Variants in CFAP47 observed in about 807,000 individuals in gnomAD.
CFAP47 encodes the protein cilia and flagella associated protein 47.
A neutral mutation model predicts 148.1 loss-of-function variants in CFAP47; 29 were observed. The observed-to-expected ratio is 0.20, with a 90% confidence interval of 0.15 to 0.27. The LOEUF (loss-of-function observed/expected upper bound fraction) is 0.27. Among genes scored for constraint, CFAP47 ranks in the 10% least tolerant of loss-of-function variants. The probability of loss-of-function intolerance (pLI) is 1.00; values close to 1 mark genes in which losing one functional copy is unlikely to be tolerated. For missense variants in CFAP47, 1,872 were observed against 1,697.5 expected (o/e 1.10, Z -1.81); for synonymous variants, 664 against 577.3 (o/e 1.15, Z -2.15).
At chrX:36,094,261 T>C (rs1938236645) in intron 30 of CFAP47, among the ~76,000 whole-genome samples, 1 of 111,032 alleles carries the variant, frequency 9.0e-6, no homozygotes, top group African/African-American at 3.3e-5. Context: ...AACACACTGT[T>C]TTGGTTACTA....
chrX:35,969,745 C>T (rs188858051), intron 10 of CFAP47, among the ~76,000 whole-genome samples: 316 of 111,507 alleles, frequency 2.8e-3, no homozygotes, highest in African/African-American at 9.9e-3. Flanking sequence ...TATCAAAAAT[C>T]GTCTTTGAGC....
chrX:36,042,830 T>G (rs1432071234), intron 25 of CFAP47, among the ~76,000 whole-genome samples: 1 of 111,595 alleles, frequency 9.0e-6, no homozygotes, highest in Non-Finnish European at 1.9e-5. Context: ...TAATTTTATA[T>G]GGAAGGGTCA....
intron 61 of CFAP47, among the ~76,000 whole-genome samples, chrX:36,366,540 C>G (rs1466104149): frequency 9.0e-6 from 1 of 111,542 alleles, no homozygotes; most frequent in Non-Finnish European, 1.9e-5. Context: ...GTTGAAAATA[C>G]TTTCGCATAA....
chrX:36,050,223 C>T (rs765967063), intron 26 of CFAP47, among the ~76,000 whole-genome samples: 5 of 111,260 alleles, frequency 4.5e-5, no homozygotes, highest in Non-Finnish European at 9.4e-5. Flanking sequence ...GACTTTGGAA[C>T]TGGGTAACAG....
Position 36,280,860 on chromosome X carries a change from C to T in CFAP47, c.7588+230C>T, listed in dbSNP as rs59771451. ...TACTTCAGCTAGAAGGGTGCCCACT[C>T]TTTCATAATTGAAAAGCTTTACATA... On this transcript the variant is annotated intron_variant, in intron 50 of 63. Transcript: ENST00000378653. Among the ~76,000 whole-genome samples, 151 of 111,967 alleles carry T rather than the reference C, an allele frequency of 1.3e-3. 2 individuals are homozygous for T. The East Asian group carries it at 0.039, about 29-fold the overall frequency.
At chrX:36,099,682 A>G (rs1417606721) in intron 31 of CFAP47, 69 bp from the exon 32 acceptor site, 2 of 452,622 alleles carry the variant, frequency 4.4e-6, no homozygotes, top group East Asian at 8.1e-5. Context: ...ACATGTTTTG[A>G]AAAAAAAAAC....
In CFAP47 at chrX:36,037,679, T is replaced by A. The variant is rs1937354940; in HGVS notation, c.3812-1305T>A. Among the ~76,000 whole-genome samples, 5 of 111,142 alleles carry A rather than the reference T, an allele frequency of 4.5e-5. No individual in the cohort carries two copies. In the South Asian group the frequency reaches 1.9e-3, roughly 43 times the overall value. On this transcript the variant is annotated intron_variant, in intron 24 of 63. Transcript: ENST00000378653. ...CAAAGAATCCCCTTCTCTATCACCC[T>A]AGAACCCTTTAAGAGGTCTGAAATT...
intron 57 of CFAP47, among the ~76,000 whole-genome samples, chrX:36,341,335 G>A (rs972298832): frequency 1.4e-4 from 16 of 111,021 alleles, no homozygotes; most frequent in Admixed American, 1.9e-4. Flanking sequence ...GCGCCTGGCC[G>A]GTGCTAGAAT....
chrX:36,336,592 TA>T (rs1444864992), intron 57 of CFAP47, among the ~76,000 whole-genome samples: 2 of 111,393 alleles, frequency 1.8e-5, no homozygotes, highest in Non-Finnish European at 3.8e-5. Flanking sequence ...TTTTAAAAGA[TA>T]AAATATTCAT....
At chrX:36,316,767 T>C (rs1009941985) in intron 56 of CFAP47, among the ~76,000 whole-genome samples, 1 of 111,903 alleles carries the variant, frequency 8.9e-6, no homozygotes, top group Admixed American at 9.5e-5. Context: ...CAAGGAGACA[T>C]TCAACCTGTA....
intron 45 of CFAP47, among the ~76,000 whole-genome samples, chrX:36,218,145 A>G (rs1324412254): frequency 8.9e-6 from 1 of 112,426 alleles, no homozygotes; most frequent in Non-Finnish European, 1.9e-5. Context: ...CAGAATTTAT[A>G]TTTAATACAG....
intron 37 of CFAP47, among the ~76,000 whole-genome samples, chrX:36,149,584 T>TTTTA (rs914889057): frequency 5.5e-4 from 55 of 99,851 alleles, no homozygotes; most frequent in Middle Eastern, 5.0e-3. Context: ...GATATATATA[T>TTTTA]TTTATTTATT....
chrX:36,307,767 A>C (rs1941362447), intron 55 of CFAP47, among the ~76,000 whole-genome samples: 1 of 110,592 alleles, frequency 9.0e-6, no homozygotes, highest in African/African-American at 3.3e-5. Flanking sequence ...TGGGTAGCTG[A>C]AGTATCTTCA....
chrX:35,953,292 A>C (rs757480778), intron 6 of CFAP47, among the ~76,000 whole-genome samples: 1 of 112,158 alleles, frequency 8.9e-6, no homozygotes, highest in East Asian at 2.8e-4. Flanking sequence ...GTCTGGAAGA[A>C]AATTCTTTGC....
intron 16 of CFAP47, among the ~76,000 whole-genome samples, chrX:35,990,745 T>G (rs1171179145): frequency 9.0e-6 from 1 of 111,392 alleles, no homozygotes; most frequent in African/African-American, 3.3e-5. Context: ...GTCTACTTTC[T>G]TAATAGAATT....
chrX:36,150,098 A>C (rs747836660), intron 37 of CFAP47, among the ~76,000 whole-genome samples: 1 of 111,090 alleles, frequency 9.0e-6, no homozygotes, highest in African/African-American at 3.3e-5. Flanking sequence ...TAAATGATGG[A>C]TAGACAGATA....
At chrX:36,252,892 A>G (rs1228987528) in intron 49 of CFAP47, among the ~76,000 whole-genome samples, 1 of 112,162 alleles carries the variant, frequency 8.9e-6, no homozygotes, top group South Asian at 3.6e-4. Flanking sequence ...GAAGAAACAC[A>G]TAAGAAACCA....
chrX:36,212,563 T>A (rs1213957855), intron 45 of CFAP47, among the ~76,000 whole-genome samples: 2 of 111,803 alleles, frequency 1.8e-5, no homozygotes, highest in African/African-American at 6.5e-5. Flanking sequence ...AGAAATTCTT[T>A]ATTTTTTTAA....
At chrX:36,278,518 AAGCAAATCCCCAAACC>A (rs1406250552) in intron 49 of CFAP47, among the ~76,000 whole-genome samples, 1 of 112,402 alleles carries the variant, frequency 8.9e-6, no homozygotes, top group East Asian at 2.8e-4. Context: ...TGGCTAGGAA[AAGCAAATCCCCAAACC>A]CCTTGTGCTT....
Sources: allele counts gnomAD v4.1 joint callset (sites outside exome capture counted in the v4.1 genomes callset), GRCh38; gene constraint gnomAD v4.1.1; transcripts MANE v1.5; gene names NCBI Gene and HGNC (gene_info 2026-07-23, HGNC 2026-07-21).